Variants in AKT3 observed in about 807,000 individuals in gnomAD.
AKT3 encodes AKT serine/threonine kinase 3.
Under a neutral mutation model 65.3 loss-of-function variants are expected in AKT3, and 15 were observed. The observed-to-expected ratio is 0.23, with a 90% confidence interval of 0.15 to 0.35. AKT3 has a LOEUF of 0.35. Ranked by LOEUF, AKT3 falls within the 10% of genes least tolerant of loss-of-function variation. The pLI is 1.00. For missense variants in AKT3, 243 were observed against 576.5 expected, an observed-to-expected ratio of 0.42 and a Z score of 5.92; for synonymous variants, 206 against 183.8, an observed-to-expected ratio of 1.12 and a Z score of -0.98.
At chr1:243,791,249 G>A (rs9287269) in intron 2 of AKT3, among the ~76,000 whole-genome samples, 48,447 of 151,518 alleles carry the variant, frequency 0.32, 10,543 homozygotes, top group African/African-American at 0.62. Context: ...AAAATAAGGG[G>A]AAAAAGTCTA....
downstream of AKT3, among the ~76,000 whole-genome samples, chr1:243,497,470 G>T (rs1305991453): frequency 6.6e-6 from 1 of 152,076 alleles, no homozygotes; most frequent in Non-Finnish European, 1.5e-5. Context: ...CCGCAGGAAG[G>T]AATCAGGCTG....
At chr1:243,508,420 G>A (rs1056249188) in intron 13 of AKT3, among the ~76,000 whole-genome samples, 3 of 152,178 alleles carry the variant, frequency 2.0e-5, no homozygotes, top group Non-Finnish European at 4.4e-5. Context: ...CTGCAGATGC[G>A]TCGATGCTAG....
intron 13 of AKT3, chr1:243,489,180 G>T (rs201090097): frequency 1.6e-5 from 25 of 1,605,562 alleles, no homozygotes; most frequent in Non-Finnish European, 2.1e-5. Flanking sequence ...GTCCTTGGGC[G>T]GGCGTCTACA....
intron 8 of AKT3, among the ~76,000 whole-genome samples, chr1:243,605,618 T>G (rs1677345224): frequency 6.6e-6 from 1 of 152,218 alleles, no homozygotes; most frequent in African/African-American, 2.4e-5. Flanking sequence ...TTCATATAAA[T>G]TACATGCAAC....
At chr1:243,584,662 C>T (rs1675660742) in intron 8 of AKT3, among the ~76,000 whole-genome samples, 1 of 151,688 alleles carries the variant, frequency 6.6e-6, no homozygotes, top group African/African-American at 2.4e-5. Context: ...TGTGATTCAC[C>T]ACATAAACCA....
At chr1:243,520,053 T>C (rs1411551273) in intron 12 of AKT3, among the ~76,000 whole-genome samples, 17 of 152,246 alleles carry the variant, frequency 1.1e-4, no homozygotes, top group Admixed American at 6.5e-5. Flanking sequence ...ATTTCAAATA[T>C]TGTATTATTA....
At chr1:243,648,173 A>C (rs1680987810) in intron 4 of AKT3, among the ~76,000 whole-genome samples, 1 of 151,868 alleles carries the variant, frequency 6.6e-6, no homozygotes, top group South Asian at 2.1e-4. Flanking sequence ...CATGAGAATC[A>C]CTTGAACCCA....
intron 2 of AKT3, among the ~76,000 whole-genome samples, chr1:243,803,474 C>T (rs1692502664): frequency 6.6e-6 from 1 of 152,090 alleles, no homozygotes; most frequent in Non-Finnish European, 1.5e-5. Context: ...AACACTTTTA[C>T]TTATAAAAAA....
chr1:243,799,873 G>A (rs12746623), intron 2 of AKT3, among the ~76,000 whole-genome samples: 76,680 of 152,002 alleles, frequency 0.5, 23,443 homozygotes, highest in Non-Finnish European at 0.68. Flanking sequence ...AGCACTTTGG[G>A]GCACTTATTA....
At chr1:243,636,805 G>C (rs1306928173) in intron 6 of AKT3, among the ~76,000 whole-genome samples, 2 of 152,072 alleles carry the variant, frequency 1.3e-5, no homozygotes, top group Non-Finnish European at 2.9e-5. Flanking sequence ...TGATTCCAAA[G>C]CCAATGTTCT....
intron 1 of AKT3, among the ~76,000 whole-genome samples, chr1:243,845,180 C>G (rs1258489796): frequency 1.3e-5 from 2 of 151,944 alleles, no homozygotes; most frequent in Admixed American, 6.6e-5. Context: ...ACTAAACATT[C>G]TCTAGACAGC....
chr1:243,757,033 T>C (rs75152477), intron 2 of AKT3, among the ~76,000 whole-genome samples: 1 of 152,022 alleles, frequency 6.6e-6, no homozygotes, highest in African/African-American at 2.4e-5. Context: ...TTTAAAAGCA[T>C]AAAAGCCATA....
chr1:243,645,255 T>C (rs1680719672), intron 5 of AKT3, among the ~76,000 whole-genome samples: 1 of 152,184 alleles, frequency 6.6e-6, no homozygotes, highest in Non-Finnish European at 1.5e-5. Context: ...TCTCAACACC[T>C]CTATCTTTAA....
chr1:243,752,553 A>G (rs193063557), intron 2 of AKT3, among the ~76,000 whole-genome samples: 1 of 152,352 alleles, frequency 6.6e-6, no homozygotes, highest in East Asian at 1.9e-4. Context: ...TAATTTTCTA[A>G]AACAACCTCA....
intron 8 of AKT3, among the ~76,000 whole-genome samples, chr1:243,607,457 G>A (rs1324079090): frequency 6.6e-6 from 1 of 152,266 alleles, no homozygotes; most frequent in East Asian, 1.9e-4. Flanking sequence ...GACTTGCATG[G>A]GGCCTACAGC....
At chr1:243,777,534 C>A (rs1367428609) in intron 2 of AKT3, among the ~76,000 whole-genome samples, 1 of 152,162 alleles carries the variant, frequency 6.6e-6, no homozygotes, top group East Asian at 1.9e-4. Flanking sequence ...TATCAGGGAT[C>A]ACTAGTGGAA....
At chr1:243,752,236 T>G (rs1688853204) in intron 2 of AKT3, among the ~76,000 whole-genome samples, 1 of 152,204 alleles carries the variant, frequency 6.6e-6, no homozygotes, top group Non-Finnish European at 1.5e-5. Context: ...CAGGCATATA[T>G]GCATCTGAAA....
intron 3 of AKT3, 34 bp from the exon 4 acceptor site, chr1:243,664,917 G>T: frequency 8.2e-7 from 1 of 1,217,236 alleles, no homozygotes; most frequent in East Asian, 2.6e-5. Context: ...TTTAAATATG[G>T]ATATATTTAA....
chr1:243,499,830 T>G lies in AKT3; in HGVS notation c.*5419A>C, dbSNP rs1384170638. The stretch of plus-strand genomic sequence containing the variant: ...AATAAATGATTTACAAAGAGATATT[T>G]ACATTCATCTGGTTTAGACTTAATA... On this transcript the variant is annotated 3_prime_UTR_variant, in exon 14 of 14. Coordinates refer to ENST00000673466, the MANE Select transcript of AKT3 (RefSeq NM_005465.7). 1 of 1,586,030 alleles carries G rather than the reference T, an allele frequency of 6.3e-7. No homozygotes were observed. The highest frequency in any genetic ancestry group is 2.2e-5 in the East Asian group (1 of 44,746).
Sources: gnomAD v4.1 joint callset for allele counts (sites outside exome capture counted in the v4.1 genomes callset) on GRCh38, gnomAD v4.1.1 for gene constraint, MANE v1.5 for transcripts, NCBI Gene and HGNC (gene_info 2026-07-23, HGNC 2026-07-21) for gene names.